Variants in USP34 observed in about 807,000 individuals in gnomAD.
USP34 encodes ubiquitin specific peptidase 34.
A neutral mutation model predicts 460.3 loss-of-function variants in USP34; 70 were observed. That is an observed-to-expected ratio of 0.15 (90% CI 0.13 to 0.19). The LOEUF (loss-of-function observed/expected upper bound fraction) is 0.19. Among genes scored for constraint, USP34 ranks in the 10% least tolerant of loss-of-function variants. The probability of loss-of-function intolerance (pLI) is 1.00; values close to 1 mark genes in which losing one functional copy is unlikely to be tolerated. For missense variants in USP34, 3,985 were observed against 4,236.2 expected, an observed-to-expected ratio of 0.94 and a Z score of 1.65; for synonymous variants, 1,647 against 1,405.3, an observed-to-expected ratio of 1.17 and a Z score of -3.85.
At chr2:61,302,311 A>G (rs1262093766) in intron 27 of USP34, among the ~76,000 whole-genome samples, 4 of 152,232 alleles carry the variant, frequency 2.6e-5, no homozygotes, top group African/African-American at 7.2e-5. Context: ...ATAATGACAC[A>G]TAACATTTTA....
intron 29 of USP34, 56 bp from the exon 30 acceptor site, chr2:61,296,981 A>C (rs997452959): frequency 9.2e-6 from 14 of 1,527,118 alleles, no homozygotes; most frequent in Non-Finnish European, 1.1e-5. Context: ...AAAAAGTTTT[A>C]AGTTCAAATT....
At chr2:61,211,644 T>C in intron 69 of USP34, 128 bp downstream of exon 69, 1 of 1,051,734 alleles carries the variant, frequency 9.5e-7, no homozygotes, top group Non-Finnish European at 1.3e-6. Context: ...TCATGAACCT[T>C]CAAAATGTTC....
chr2:61,458,425 G>A (rs1030371698), intron 1 of USP34, among the ~76,000 whole-genome samples: 1 of 151,740 alleles, frequency 6.6e-6, no homozygotes, highest in Admixed American at 6.6e-5. Flanking sequence ...GCCGGGCGTG[G>A]TGGCGGGTGC....
At chr2:61,291,292 T>C (rs1417916206) in intron 33 of USP34, among the ~76,000 whole-genome samples, 2 of 152,072 alleles carry the variant, frequency 1.3e-5, no homozygotes, top group African/African-American at 4.8e-5. Flanking sequence ...AAAGAGACAC[T>C]AACAAGTCTT....
intron 25 of USP34, among the ~76,000 whole-genome samples, chr2:61,313,903 G>A (rs1690668828): frequency 2.6e-5 from 4 of 151,812 alleles, no homozygotes; most frequent in Admixed American, 2.6e-4. Flanking sequence ...GTTGAAAAAA[G>A]TTACTAACTT....
At chr2:61,426,734 G>GT in intron 1 of USP34, among the ~76,000 whole-genome samples, 1 of 152,184 alleles carries the variant, frequency 6.6e-6, no homozygotes. Flanking sequence ...CCAGAGTGCA[G>GT]TTACAGCAGG....
intron 53 of USP34, among the ~76,000 whole-genome samples, chr2:61,238,598 A>T (rs1688140381): frequency 6.6e-6 from 1 of 152,188 alleles, no homozygotes; most frequent in Admixed American, 6.6e-5. Context: ...GTACAAATCT[A>T]AAAAACCACA....
At chr2:61,417,012 G>GC in intron 2 of USP34, 1 of 1,324,958 alleles carries the variant, frequency 7.5e-7, no homozygotes. Flanking sequence ...ACTTGGTGAA[G>GC]CCCCACTTCT....
At chr2:61,212,016 T>A in intron 68 of USP34, 87 bp from the exon 69 acceptor site, 1 of 1,366,174 alleles carries the variant, frequency 7.3e-7, no homozygotes, top group Non-Finnish European at 9.8e-7. Context: ...ATTAATCAAC[T>A]CTTAAAATTA....
At chr2:61,449,454 T>C (rs1695207769) in intron 1 of USP34, among the ~76,000 whole-genome samples, 1 of 151,560 alleles carries the variant, frequency 6.6e-6, no homozygotes, top group Non-Finnish European at 1.5e-5. Flanking sequence ...GTTTTCAAGT[T>C]GATCCTAAAA....
chr2:61,438,993 A>T (rs1055033656), intron 1 of USP34, among the ~76,000 whole-genome samples: 98 of 152,286 alleles, frequency 6.4e-4, no homozygotes, highest in Non-Finnish European at 1.2e-3. Context: ...ATCACTATTT[A>T]AAAAAAATCA....
intron 33 of USP34, 127 bp downstream of exon 33, chr2:61,293,337 C>T (rs558611857): frequency 1.8e-6 from 1 of 542,248 alleles, no homozygotes; most frequent in Non-Finnish European, 3.1e-6. Flanking sequence ...TTTTTAAATT[C>T]ATTTCTGCTA....
intron 12 of USP34, 95 bp downstream of exon 12, chr2:61,350,165 A>C: frequency 7.5e-7 from 1 of 1,331,714 alleles, no homozygotes; most frequent in African/African-American, 1.5e-5. Context: ...ACTTATTTTA[A>C]AATAAAGATT....
chr2:61,204,229 A>C, intron 74 of USP34, 27 bp downstream of exon 74: 1 of 1,614,004 alleles, frequency 6.2e-7, no homozygotes, highest in South Asian at 1.1e-5. Context: ...CTATAGCAAC[A>C]TGGATTTTCC....
At position 61,348,264 on chromosome 2, in the gene USP34, G is replaced by A. The variant is rs762517828; in HGVS notation, c.1891C>T (p.His631Tyr). 2 of 1,614,138 alleles carry A rather than the reference G, an allele frequency of 1.2e-6. No homozygotes were observed. The highest frequency in any genetic ancestry group is 1.7e-6 in the Non-Finnish European group (2 of 1,180,020). The change falls in exon 15 of 80, where the codon CAT becomes TAT. Residue 631 changes from histidine (H) to tyrosine (Y), a missense_variant. This residue lies in a region of USP34 where 716 missense variants were observed against 626.2 expected (regional missense o/e 1.14). Transcript: ENST00000398571. Reference protein sequence around the residue: ...KEEDEDDDHGHNPPKSSCGTD... With the variant: ...KEEDEDDDHGYNPPKSSCGTD... Reference sequence around the variant, plus strand: ...CCACAACTGCTTTTGGGAGGATTATGACCATGATCATCGTCTTCATCTTCC... The same window carrying A: ...CCACAACTGCTTTTGGGAGGATTATAACCATGATCATCGTCTTCATCTTCC...
chr2:61,321,472 A>C lies in USP34; in HGVS notation c.3014-2145T>G, dbSNP rs534982897. Among the ~76,000 whole-genome samples, 3 of 152,330 alleles carry C rather than the reference A, an allele frequency of 2.0e-5. No individual in the cohort carries two copies. The East Asian group carries it at 5.8e-4, about 29-fold the overall frequency. On this transcript the variant is annotated intron_variant, in intron 21 of 79. Transcript: ENST00000398571. ...GGTGACAGAGTAAGACTCCGTCTCA[A>C]AACAAAAAACAAAACAAAACTATCT...
intron 10 of USP34, among the ~76,000 whole-genome samples, chr2:61,355,661 T>C (rs1692081101): frequency 6.6e-6 from 1 of 150,760 alleles, no homozygotes; most frequent in Admixed American, 6.6e-5. Context: ...CCAAAACAAC[T>C]AAACATACAA....
chr2:61,457,720 G>C (rs566531294), intron 1 of USP34, among the ~76,000 whole-genome samples: 2 of 152,222 alleles, frequency 1.3e-5, no homozygotes, highest in Admixed American at 1.3e-4. Flanking sequence ...AGCAAGTTGG[G>C]TGTCATCATG....
At chr2:61,393,956 A>T (rs555759501) in intron 5 of USP34, among the ~76,000 whole-genome samples, 1 of 152,014 alleles carries the variant, frequency 6.6e-6, no homozygotes, top group East Asian at 1.9e-4. Flanking sequence ...GCCAACATGT[A>T]CTCAAAATAC....
Sources: gnomAD v4.1 joint callset for allele counts (sites outside exome capture counted in the v4.1 genomes callset) on GRCh38, gnomAD v4.1.1 for gene constraint, gnomAD v4.1.1 regional missense constraint, MANE v1.5 for transcripts, NCBI Gene and HGNC (gene_info 2026-07-23, HGNC 2026-07-21) for gene names.